The following FAM167A variants were observed in gnomAD, a reference collection of about 807,000 sequenced individuals.
FAM167A encodes the protein family with sequence similarity 167 member A, also known as protein FAM167A.
Under a neutral mutation model 14.9 loss-of-function variants are expected in FAM167A, and 23 were observed. That is an observed-to-expected ratio of 1.55 (90% CI 1.11 to 2.19). The LOEUF (loss-of-function observed/expected upper bound fraction) is 2.19, where lower values mean the gene tolerates loss of function less well. FAM167A is among the 30% of genes most tolerant of loss of function. The pLI is 0.00. For synonymous variants in FAM167A, 174 were observed against 117.7 expected (o/e 1.48, Z -3.10); for missense variants, 401 against 281.5 (o/e 1.42, Z -3.04).
chr8:11,471,678 G>A (rs1044847081), upstream of FAM167A, among the ~76,000 whole-genome samples: 2 of 152,176 alleles, frequency 1.3e-5, no homozygotes, highest in African/African-American at 4.8e-5. Flanking sequence ...TGCCTGGGCT[G>A]GGTTTTAGAG....
At position 11,444,751 on chromosome 8, in the gene FAM167A, C is replaced by T; in HGVS notation, c.-340G>A. On this transcript the variant is annotated 5_prime_UTR_variant, in exon 2 of 3. Coordinates refer to ENST00000284486, the MANE Select transcript of FAM167A (RefSeq NM_053279.3). ...GTCCTGAACGCACTCGAAGACCAGA[C>T]TGGCAGGAAGAAGGCCCAGAGCTCT... 1 of 1,047,116 alleles carries T rather than the reference C, an allele frequency of 9.6e-7. No individual in the cohort carries two copies. Among genetic ancestry groups the T allele is most frequent in the Non-Finnish European group, 1.1e-6 (1 of 870,078 alleles). 64.9% of individuals were successfully genotyped at this position (1,047,116 alleles called of 1,614,324 possible).
At position 11,422,018 on chromosome 8, in the gene FAM167A, C is replaced by A; in HGVS notation, c.*2355G>T. 2.5e-6 allele frequency: 1 copy of A among 394,378 alleles called. No individual in the cohort carries two copies. The highest frequency in any genetic ancestry group is 4.5e-6 in the Non-Finnish European group (1 of 224,032). The allele number at this position is 394,378 out of a possible 1,614,324, so 24.4% of individuals were successfully genotyped here. A position where few individuals can be genotyped will look rare whatever the true frequency, so the allele number is the denominator to read the frequency against. On this transcript the variant is annotated 3_prime_UTR_variant, in exon 3 of 3. Transcript: ENST00000284486. ...TCCACTTCTCATCTTGGGTCACCTC[C>A]TCATCCCATAATAAAGTTCTCTTAG...
At chr8:11,455,659 C>T (rs1807222886) in intron 1 of FAM167A, among the ~76,000 whole-genome samples, 3 of 113,220 alleles carry the variant, frequency 2.6e-5, no homozygotes, top group South Asian at 3.2e-4. Context: ...GGGGTGGTTG[C>T]CTTGCTGTGT....
intron 1 of FAM167A, among the ~76,000 whole-genome samples, chr8:11,460,072 G>A (rs1807477525): frequency 6.6e-6 from 1 of 152,182 alleles, no homozygotes; most frequent in African/African-American, 2.4e-5. Flanking sequence ...GATGGAGGTG[G>A]CTCCTGGGCC....
chr8:11,432,773 T>C lies in FAM167A; in HGVS notation c.382-8137A>G, dbSNP rs188662684. On this transcript the variant is annotated intron_variant, in intron 2 of 2. Coordinates refer to ENST00000284486, the MANE Select transcript of FAM167A (RefSeq NM_053279.3). ...AAAGACACATGCACACGTATGTTCA[T>C]TGTGGCACTATTCACAATAGCAAAG... is the stretch of plus-strand genomic sequence containing the variant. Among the ~76,000 whole-genome samples, 266 of 152,354 alleles carry C rather than the reference T, an allele frequency of 1.7e-3. 1 individual carries two copies. The highest frequency in any genetic ancestry group is 0.01 in the Middle Eastern group (3 of 294).
At chr8:11,473,294 G>A (rs1421866799) in intron 1 of FAM167A, among the ~76,000 whole-genome samples, 1 of 152,194 alleles carries the variant, frequency 6.6e-6, no homozygotes, top group East Asian at 1.9e-4. Flanking sequence ...GTGGGGGGAA[G>A]CTTGTTGCAT....
chr8:11,448,022 C>T (rs966061008), intron 1 of FAM167A, among the ~76,000 whole-genome samples: 12 of 152,028 alleles, frequency 7.9e-5, no homozygotes, highest in African/African-American at 2.4e-4. Context: ...AGTGAAACCC[C>T]GTCTCTACTA....
At chr8:11,475,394 A>G (rs1271183833) in intron 1 of FAM167A, among the ~76,000 whole-genome samples, 2 of 152,118 alleles carry the variant, frequency 1.3e-5, no homozygotes, top group African/African-American at 2.4e-5. Context: ...TCTGCATAAA[A>G]GCCTCTCAAC....
upstream of FAM167A, among the ~76,000 whole-genome samples, chr8:11,468,996 A>G (rs890355131): frequency 2.6e-5 from 4 of 152,186 alleles, no homozygotes; most frequent in African/African-American, 9.7e-5. Context: ...CTCAACTCCA[A>G]AGTGAAATCA....
At chr8:11,437,040 G>C (rs954940974) in intron 2 of FAM167A, among the ~76,000 whole-genome samples, 1 of 152,198 alleles carries the variant, frequency 6.6e-6, no homozygotes, top group African/African-American at 2.4e-5. Flanking sequence ...GTTTGAGGCT[G>C]TTTTGTTCTC....
intron 1 of FAM167A, among the ~76,000 whole-genome samples, chr8:11,458,981 C>A (rs1019232205): frequency 3.3e-5 from 5 of 152,250 alleles, no homozygotes; most frequent in African/African-American, 1.2e-4. Context: ...GTTCTTCCCC[C>A]TGCTGCTCAT....
intron 1 of FAM167A, among the ~76,000 whole-genome samples, chr8:11,458,939 G>T (rs1390013431): frequency 2.0e-5 from 3 of 152,246 alleles, no homozygotes; most frequent in Admixed American, 6.5e-5. Context: ...GCCCACACTA[G>T]CCTGGGCTTC....
intron 2 of FAM167A, among the ~76,000 whole-genome samples, chr8:11,433,351 C>T (rs1202325120): frequency 6.6e-6 from 1 of 152,152 alleles, no homozygotes; most frequent in African/African-American, 2.4e-5. Flanking sequence ...ACAAATCCTC[C>T]CCTTTCCAAC....
chr8:11,469,703 C>CA (rs113586541), upstream of FAM167A, among the ~76,000 whole-genome samples: 21,054 of 146,032 alleles, frequency 0.14, 1,944 homozygotes, highest in Non-Finnish European at 0.22. Flanking sequence ...CCCACTTCTA[C>CA]AAAAAAAAAA....
rs369361863 is a variant in FAM167A at position 11,440,984 on chromosome 8, T to C, written c.381+3047A>G. Among the ~76,000 whole-genome samples the C allele has an allele frequency of 3.9e-5, 6 of 152,186 alleles. No homozygotes were observed. The South Asian group carries it at 6.2e-4, about 16-fold the overall frequency. On this transcript the variant is annotated intron_variant, in intron 2 of 2. Transcript: ENST00000284486. Reference sequence around the variant, plus strand: ...GTGTTTGTTCTCCAACGCTGAACTCTCAGTTTTCAATCCAATCAAAGGGTT... The same window carrying C: ...GTGTTTGTTCTCCAACGCTGAACTCCCAGTTTTCAATCCAATCAAAGGGTT...
At chr8:11,431,132 G>A (rs761216474) in intron 2 of FAM167A, among the ~76,000 whole-genome samples, 14 of 152,302 alleles carry the variant, frequency 9.2e-5, no homozygotes, top group South Asian at 2.1e-4. Context: ...ACCAATAGGC[G>A]GAACCAACCC....
At chr8:11,438,131 T>C in intron 2 of FAM167A, 1 of 456,650 alleles carries the variant, frequency 2.2e-6, no homozygotes, top group South Asian at 1.5e-5. Context: ...AGGCCGGTAG[T>C]GCTGAATGGA....
At chr8:11,443,908 G>A (rs1211566682) in intron 2 of FAM167A, 123 bp downstream of exon 2, 3 of 1,233,354 alleles carry the variant, frequency 2.4e-6, no homozygotes, top group African/African-American at 1.5e-5. Context: ...TGCACTTGGG[G>A]GTTAGAGAGA....
intron 2 of FAM167A, chr8:11,435,185 C>T (rs1472451673): frequency 8.8e-6 from 4 of 454,332 alleles, no homozygotes; most frequent in South Asian, 4.7e-5. Flanking sequence ...GGCAGCCACA[C>T]TGAGGTTCTG....
Sources: gnomAD v4.1 joint callset for allele counts (sites outside exome capture counted in the v4.1 genomes callset) on GRCh38, gnomAD v4.1.1 for gene constraint, MANE v1.5 for transcripts, NCBI Gene and HGNC (gene_info 2026-07-23, HGNC 2026-07-21) for gene names.